EHBP1: variants seen among roughly 807,000 people sequenced by gnomAD.
The protein encoded by EHBP1 is EH domain binding protein 1.
In EHBP1, 55 loss-of-function variants were observed where a neutral mutation model predicts 144.0. The observed-to-expected ratio is 0.38, with a 90% CI of 0.31 to 0.48. The LOEUF is 0.48. EHBP1 is among the 20% of genes least tolerant of loss of function. The probability of loss-of-function intolerance (pLI) is 0.98; values close to 1 mark genes in which losing one functional copy is unlikely to be tolerated. For synonymous variants in EHBP1, 469 were observed against 472.7 expected, an observed-to-expected ratio of 0.99 and a Z score of 0.10; for missense variants, 1,200 against 1,364.2, an observed-to-expected ratio of 0.88 and a Z score of 1.90.
At chr2:63,024,356 A>C (rs578147096) in intron 19 of EHBP1, among the ~76,000 whole-genome samples, 1 of 152,258 alleles carries the variant, frequency 6.6e-6, no homozygotes, top group South Asian at 2.1e-4. Flanking sequence ...AAAAGAACAA[A>C]AAACAAAACA....
intron 3 of EHBP1, among the ~76,000 whole-genome samples, chr2:62,760,350 A>G (rs938656350): frequency 6.6e-6 from 1 of 152,144 alleles, no homozygotes; most frequent in Non-Finnish European, 1.5e-5. Flanking sequence ...TCAAAAAGCC[A>G]GAACTCGGTT....
rs55886116 is a variant in EHBP1 at position 62,841,354 on chromosome 2, G to C, written c.634+10196G>C. On this transcript the variant is annotated intron_variant, in intron 7 of 22. Coordinates refer to ENST00000431489, the MANE Select transcript of EHBP1 (RefSeq NM_001142616.3). ...GGGGACTGTGGTGGGGTGGGGGGAG[G>C]GGGGAGGGATAGCATTGGGAGATAT... Among the ~76,000 whole-genome samples the C allele has an allele frequency of 1.1e-4, 13 of 116,942 alleles. No homozygotes were observed. In the South Asian group the frequency reaches 4.0e-3, roughly 36 times the overall value. 76.7% of individuals were successfully genotyped at this position (116,942 alleles called of 152,430 possible). A position where few individuals can be genotyped will look rare whatever the true frequency, so the allele number is the denominator to read the frequency against.
At position 62,889,472 on chromosome 2, in the gene EHBP1, C is replaced by G. The variant is rs564615583; in HGVS notation, c.1185+14940C>G. ...GGTGTCTTCATCTTGAAATCTTGGT[C>G]CATGCCTATTTCCTGAATGCTATTG... On this transcript the variant is annotated intron_variant, in intron 10 of 22. Coordinates refer to ENST00000431489, the MANE Select transcript of EHBP1 (RefSeq NM_001142616.3). Among the ~76,000 whole-genome samples the G allele has an allele frequency of 3.3e-5, 5 of 152,208 alleles. No homozygotes were observed. In the South Asian group the frequency reaches 1.0e-3, roughly 32 times the overall value.
At chr2:62,748,713 A>G (rs973319904) in intron 3 of EHBP1, among the ~76,000 whole-genome samples, 4 of 152,152 alleles carry the variant, frequency 2.6e-5, no homozygotes, top group South Asian at 2.1e-4. Flanking sequence ...TTAGTATACA[A>G]TGACCACAAG....
chr2:62,877,706 T>C (rs2051010320), intron 10 of EHBP1, among the ~76,000 whole-genome samples: 1 of 152,018 alleles, frequency 6.6e-6, no homozygotes, highest in African/African-American at 2.4e-5. Flanking sequence ...CTCAAAACCA[T>C]GTTGGAAATT....
intron 10 of EHBP1, among the ~76,000 whole-genome samples, chr2:62,912,919 C>G (rs1404077273): frequency 6.6e-6 from 1 of 152,102 alleles, no homozygotes; most frequent in African/African-American, 2.4e-5. Flanking sequence ...TGTTTATGGT[C>G]GGTAGTAAAA....
chr2:62,783,798 T>A (rs962171979), intron 5 of EHBP1, among the ~76,000 whole-genome samples: 12 of 152,338 alleles, frequency 7.9e-5, no homozygotes, highest in Admixed American at 3.3e-4. Context: ...CTGGGGACAT[T>A]TTCCCCATTG....
chr2:62,949,297 T>C, intron 13 of EHBP1, 135 bp downstream of exon 13: 2 of 773,274 alleles, frequency 2.6e-6, no homozygotes, highest in Non-Finnish European at 3.9e-6. Context: ...CTGAGGCATG[T>C]AGTAATGTGT....
intron 5 of EHBP1, among the ~76,000 whole-genome samples, chr2:62,814,444 G>A (rs887469217): frequency 1.3e-5 from 2 of 152,198 alleles, no homozygotes; most frequent in African/African-American, 4.8e-5. Flanking sequence ...TTCTGTTATA[G>A]TAGCACAAAA....
chr2:62,902,988 G>A (rs556627056), intron 10 of EHBP1, among the ~76,000 whole-genome samples: 16 of 152,156 alleles, frequency 1.1e-4, no homozygotes, highest in Admixed American at 2.0e-4. Context: ...TGACATCAGT[G>A]TATTCTAGTT....
intron 1 of EHBP1, among the ~76,000 whole-genome samples, chr2:62,678,997 A>G (rs1312588515): frequency 6.6e-6 from 1 of 152,182 alleles, no homozygotes; most frequent in Non-Finnish European, 1.5e-5. Context: ...TAATTTTAAT[A>G]CAGAGAACCC....
At position 62,707,273 on chromosome 2, in the gene EHBP1, A is replaced by G. The variant is rs2034681190; in HGVS notation, c.82A>G (p.Met28Val). The G allele has an allele frequency of 1.2e-6, 2 of 1,613,232 alleles. No individual in the cohort carries two copies. Among genetic ancestry groups the G allele is most frequent in the Non-Finnish European group, 1.7e-6 (2 of 1,179,158 alleles). The change falls in exon 2 of 23, where the codon ATG (methionine) becomes GTG (valine). Residue 28 changes from methionine (M) to valine (V), a missense_variant. Around this residue, in one of 6 missense-constraint regions of EHBP1, gnomAD observed 137 missense variants for 190.1 expected, o/e 0.72. Coordinates refer to ENST00000431489, the MANE Select transcript of EHBP1 (RefSeq NM_001142616.3). ...FQFVASYQEL[M>V]VECTKKWQPD... is the part of the protein sequence containing the mutation. ...GTTTGTGGCCTCCTACCAGGAGCTC[A>G]TGGTTGAGTGTACGAAGAAATGGTA... is the stretch of plus-strand genomic sequence containing the variant.
At chr2:62,800,064 T>C (rs1475438202) in intron 5 of EHBP1, among the ~76,000 whole-genome samples, 1 of 152,222 alleles carries the variant, frequency 6.6e-6, no homozygotes, top group Admixed American at 6.5e-5. Flanking sequence ...AAGTATTCAA[T>C]AATTTTTATG....
At chr2:62,712,098 A>C (rs147729918) in intron 2 of EHBP1, among the ~76,000 whole-genome samples, 75 of 152,292 alleles carry the variant, frequency 4.9e-4, no homozygotes, top group African/African-American at 1.6e-3. Context: ...AAAATGGATG[A>C]TGTGGTGGGA....
chr2:62,994,002 C>T, intron 18 of EHBP1, 25 bp downstream of exon 18: 3 of 1,468,574 alleles, frequency 2.0e-6, no homozygotes, highest in Non-Finnish European at 2.8e-6. Flanking sequence ...TGTGTGGTTT[C>T]ATGATTGCTG....
chr2:62,853,687 C>G (rs1379745257), intron 7 of EHBP1, among the ~76,000 whole-genome samples: 2 of 152,174 alleles, frequency 1.3e-5, no homozygotes, highest in Non-Finnish European at 2.9e-5. Context: ...CCTATGAGAG[C>G]TATATCTTAC....
At chr2:62,877,108 AC>A (rs1458491915) in intron 10 of EHBP1, among the ~76,000 whole-genome samples, 1 of 152,148 alleles carries the variant, frequency 6.6e-6, no homozygotes, top group African/African-American at 2.4e-5. Flanking sequence ...TCTTCAAGAG[AC>A]CCATCTCACA....
intron 4 of EHBP1, among the ~76,000 whole-genome samples, chr2:62,764,900 G>GT (rs2041055848): frequency 6.6e-6 from 1 of 151,958 alleles, no homozygotes. Context: ...TTATCAGTAT[G>GT]TTTAATTTTT....
chr2:62,758,159 A>C (rs1025550247), intron 3 of EHBP1, among the ~76,000 whole-genome samples: 4 of 152,158 alleles, frequency 2.6e-5, no homozygotes, highest in Non-Finnish European at 4.4e-5. Context: ...CCCAGGCTGG[A>C]GTGCAGTGGT....
Sources: allele counts gnomAD v4.1 joint callset (sites outside exome capture counted in the v4.1 genomes callset), GRCh38; gene constraint gnomAD v4.1.1; regional missense constraint gnomAD v4.1.1; transcripts MANE v1.5; gene names NCBI Gene and HGNC (gene_info 2026-07-23, HGNC 2026-07-21).